SLC22A23: variants seen among roughly 807,000 people sequenced by gnomAD.
The protein encoded by SLC22A23 is ion transporter protein.
A neutral mutation model predicts 61.0 loss-of-function variants in SLC22A23; 26 were observed. The ratio of observed to expected loss-of-function variants is 0.43; its 90% CI spans 0.31 to 0.59. SLC22A23 has a LOEUF of 0.59. SLC22A23 is among the 20% of genes least tolerant of loss of function. The pLI is 0.11. For synonymous variants in SLC22A23, 430 were observed against 413.9 expected (o/e 1.04, Z -0.47); for missense variants, 796 against 934.7 (o/e 0.85, Z 1.94).
intron 1 of SLC22A23, among the ~76,000 whole-genome samples, chr6:3,420,973 T>C (rs1214098643): frequency 6.6e-6 from 1 of 152,000 alleles, no homozygotes; most frequent in East Asian, 1.9e-4. Flanking sequence ...TGGTGGTGCA[T>C]GCCTGTAATC....
At chr6:3,274,137 G>A (rs186065500) in intron 9 of SLC22A23, among the ~76,000 whole-genome samples, 9 of 152,298 alleles carry the variant, frequency 5.9e-5, no homozygotes, top group Admixed American at 4.6e-4. Context: ...TGCCTTGTAC[G>A]GGAGCAGCCA....
intron 3 of SLC22A23, among the ~76,000 whole-genome samples, chr6:3,394,313 A>C (rs543973997): frequency 6.6e-6 from 1 of 152,300 alleles, no homozygotes; most frequent in East Asian, 1.9e-4. Flanking sequence ...CACACATGAA[A>C]GTTCTCACAA....
At chr6:3,428,491 G>A (rs114674100) in intron 1 of SLC22A23, among the ~76,000 whole-genome samples, 2,564 of 152,170 alleles carry the variant, frequency 0.017, 25 homozygotes, top group Non-Finnish European at 0.026. Context: ...TTGGCTTTGC[G>A]TAACAAGCCA....
Position 3,323,964 on chromosome 6 carries a change from T to C in SLC22A23, c.952A>G (p.Thr318Ala). The stretch of plus-strand genomic sequence containing the variant: ...ATGGCCACGAAGCTCGCCACCATCG[T>C]AATCATGAACCGTTTTCCAGGGGGG... ...LCPPGKRFMI[T>A]MVASFVAMAG... Residue 318 changes from threonine (T) to alanine (A), a missense_variant, in exon 4 of 10, where the codon ACG (threonine) becomes GCG (alanine). By Grantham distance (58) the Thr-to-Ala change is moderately conservative. Transcript: ENST00000406686. The C allele has an allele frequency of 6.2e-7, 1 of 1,614,196 alleles. No homozygotes were observed. Among genetic ancestry groups the C allele is most frequent in the Non-Finnish European group, 8.5e-7 (1 of 1,180,026 alleles).
At chr6:3,388,923 G>A (rs984720234) in intron 3 of SLC22A23, among the ~76,000 whole-genome samples, 1 of 152,076 alleles carries the variant, frequency 6.6e-6, no homozygotes, top group Non-Finnish European at 1.5e-5. Context: ...GAGGGGGAAT[G>A]GGGAGTTCGT....
intron 3 of SLC22A23, among the ~76,000 whole-genome samples, chr6:3,373,890 G>A (rs1047685600): frequency 2.6e-5 from 4 of 152,218 alleles, no homozygotes; most frequent in Admixed American, 6.5e-5. Flanking sequence ...TGCCCACTAC[G>A]TGCCAGGCAC....
At chr6:3,351,512 G>A (rs530980899) in intron 3 of SLC22A23, among the ~76,000 whole-genome samples, 7 of 152,262 alleles carry the variant, frequency 4.6e-5, no homozygotes, top group African/African-American at 1.4e-4. Flanking sequence ...AGCGGGGAAC[G>A]TTCAGCCCAC....
intron 3 of SLC22A23, among the ~76,000 whole-genome samples, chr6:3,362,141 C>T (rs983026970): frequency 5.3e-5 from 8 of 151,734 alleles, no homozygotes; most frequent in Admixed American, 2.6e-4. Context: ...TGGTGGCTCA[C>T]GCCTGTAATC....
intron 9 of SLC22A23, among the ~76,000 whole-genome samples, chr6:3,279,509 CAAAAAAAAAAA>C (rs10642564): frequency 2.5e-4 from 9 of 36,016 alleles, no homozygotes; most frequent in East Asian, 1.4e-3. Context: ...GGCTCCGTCT[CAAAAAAAAAAA>C]AAAAAAAAAA....
chr6:3,393,133 T>A (rs895932425), intron 3 of SLC22A23, among the ~76,000 whole-genome samples: 1 of 152,142 alleles, frequency 6.6e-6, no homozygotes, highest in African/African-American at 2.4e-5. Context: ...TGACCAAGCC[T>A]GTGGCAGCCT....
chr6:3,389,562 C>T (rs1287819068), intron 3 of SLC22A23, among the ~76,000 whole-genome samples: 1 of 152,198 alleles, frequency 6.6e-6, no homozygotes, highest in African/African-American at 2.4e-5. Context: ...AATGTCTCCA[C>T]AGAGTGCTTG....
At chr6:3,277,558 C>A (rs1294985128) in intron 9 of SLC22A23, among the ~76,000 whole-genome samples, 1 of 152,226 alleles carries the variant, frequency 6.6e-6, no homozygotes, top group South Asian at 2.1e-4. Flanking sequence ...TTGGGCACTT[C>A]CCCTGCATCC....
chr6:3,279,031 A>C (rs559916181), intron 9 of SLC22A23, among the ~76,000 whole-genome samples: 1 of 152,372 alleles, frequency 6.6e-6, no homozygotes, highest in South Asian at 2.1e-4. Context: ...GGTGAACCAC[A>C]TCATACTGAT....
At position 3,330,396 on chromosome 6, in the gene SLC22A23, C is replaced by T. The variant is rs1264152772; in HGVS notation, c.914-6394G>A. ...CAGCCCCATCATCCTGGACTGCGCCCCTCCCTGGCAAAGTGGAGAACTGCA... is the reference window on the plus strand; with the variant it reads ...CAGCCCCATCATCCTGGACTGCGCCTCTCCCTGGCAAAGTGGAGAACTGCA... On this transcript the variant is annotated intron_variant, in intron 3 of 9. Coordinates refer to ENST00000406686, the MANE Select transcript of SLC22A23 (RefSeq NM_015482.2). The surrounding 1 kb of genome is among the most constrained non-coding windows in gnomAD (Gnocchi z 4.7). Among the ~76,000 whole-genome samples, 2 of 152,196 alleles carry T rather than the reference C, an allele frequency of 1.3e-5. No individual in the cohort carries two copies. Among genetic ancestry groups the T allele is most frequent in the Admixed American group, 6.5e-5 (1 of 15,286 alleles).
chr6:3,392,569 A>G (rs1461737917), intron 3 of SLC22A23, among the ~76,000 whole-genome samples: 2 of 152,230 alleles, frequency 1.3e-5, no homozygotes. Flanking sequence ...TTTTCCAGGC[A>G]TGAAATGAAA....
intron 4 of SLC22A23, among the ~76,000 whole-genome samples, chr6:3,306,696 TG>T (rs1221966196): frequency 6.6e-6 from 1 of 152,174 alleles, no homozygotes; most frequent in Non-Finnish European, 1.5e-5. Context: ...GGGAAGGACG[TG>T]GGCAGAACTA....
chr6:3,292,285 T>C lies in SLC22A23; in HGVS notation c.1211-2419A>G, dbSNP rs559981195. Among the ~76,000 whole-genome samples, 4 of 152,340 alleles carry C rather than the reference T, an allele frequency of 2.6e-5. No individual in the cohort carries two copies. The South Asian group carries it at 8.3e-4, about 32-fold the overall frequency. On this transcript the variant is annotated intron_variant, in intron 5 of 9. Transcript: ENST00000406686. ...CGGCCCTCAAGGCAGCGCTCTATGT[T>C]ATAGGACACTTCAGATGGTTCTAAC...
rs922109123 is a variant in SLC22A23, at chr6:3,307,564, A to G, written c.1083-9346T>C. 2.6e-5 allele frequency among the ~76,000 whole-genome samples: 4 copies of G among 152,350 alleles called. No homozygotes were observed. In the South Asian group the frequency reaches 6.2e-4, roughly 24 times the overall value. The stretch of plus-strand genomic sequence containing the variant: ...GGATGTTCCACTGCAGGATAGTCAT[A>G]TGCTGGACGGCAGACTGAGGCCCAG... On this transcript the variant is annotated intron_variant, in intron 4 of 9. Coordinates refer to ENST00000406686, the MANE Select transcript of SLC22A23 (RefSeq NM_015482.2).
rs184475680 is a variant in SLC22A23, at chr6:3,412,082, C to G, written c.759-1740G>C. ...CCTTCACTAGGGGGGATGATGGGCA[C>G]AGATGCAACGCCTGGCGCAGAGGAA... is the stretch of plus-strand genomic sequence containing the variant. On this transcript the variant is annotated intron_variant, in intron 2 of 9. Coordinates refer to ENST00000406686, the MANE Select transcript of SLC22A23 (RefSeq NM_015482.2). Among the ~76,000 whole-genome samples, 436 of 152,324 alleles carry G rather than the reference C, an allele frequency of 2.9e-3. 2 individuals are homozygous for G. The highest frequency in any genetic ancestry group is 9.5e-3 in the African/African-American group (393 of 41,576).
Sources: gnomAD v4.1 joint callset for allele counts (sites outside exome capture counted in the v4.1 genomes callset) on GRCh38, gnomAD v4.1.1 for gene constraint, Gnocchi (gnomAD v3.1) non-coding constraint, MANE v1.5 for transcripts, NCBI Gene and HGNC (gene_info 2026-07-23, HGNC 2026-07-21) for gene names.